MARCHF1: variants seen among roughly 807,000 people sequenced by gnomAD.
MARCHF1 encodes the protein E3 ubiquitin-protein ligase MARCHF1.
A neutral mutation model predicts 54.2 loss-of-function variants in MARCHF1; 40 were observed. The ratio of observed to expected loss-of-function variants is 0.74; its 90% confidence interval spans 0.57 to 0.96. The LOEUF is 0.96. Among genes scored for constraint, MARCHF1 ranks in the 40% least tolerant of loss-of-function variants. The pLI is 0.00. For synonymous variants in MARCHF1, 236 were observed against 236.3 expected (o/e 1.00, Z 0.01); for missense variants, 586 against 656.5 (o/e 0.89, Z 1.17).
At chr4:163,940,517 G>C (rs1011108355) in intron 3 of MARCHF1, among the ~76,000 whole-genome samples, 1 of 152,080 alleles carries the variant, frequency 6.6e-6, no homozygotes, top group African/African-American at 2.4e-5. Flanking sequence ...TTCTGTGTGT[G>C]TGTGTTTCAT....
At chr4:164,342,595 C>T (rs1729962777) in intron 1 of MARCHF1, among the ~76,000 whole-genome samples, 1 of 151,250 alleles carries the variant, frequency 6.6e-6, no homozygotes, top group Non-Finnish European at 1.5e-5. Flanking sequence ...CAATATAATC[C>T]ATCATTTCTA....
chr4:164,197,286 G>A (rs1448366773), intron 1 of MARCHF1: 1 of 1,611,532 alleles, frequency 6.2e-7, no homozygotes, highest in African/African-American at 1.3e-5. Flanking sequence ...AGTAACAGCT[G>A]TCGAGATATG....
intron 3 of MARCHF1, among the ~76,000 whole-genome samples, chr4:163,986,271 T>TTTTTTTTTTTTTTTTTTTTTTTTTTG (rs1752866369): frequency 1.6e-5 from 1 of 60,652 alleles, no homozygotes; most frequent in African/African-American, 5.0e-5. Context: ...TTTTTTTTTT[T>TTTTTTTTTTTTTTTTTTTTTTTTTTG]TTTTTTTTTG....
chr4:163,564,887 T>C (rs1279347068), intron 8 of MARCHF1, among the ~76,000 whole-genome samples: 1 of 151,740 alleles, frequency 6.6e-6, no homozygotes, highest in South Asian at 2.1e-4. Context: ...TTTTTTTTCA[T>C]GATGTCAGTT....
chr4:163,841,469 G>A (rs971897740), intron 4 of MARCHF1, among the ~76,000 whole-genome samples: 3 of 103,190 alleles, frequency 2.9e-5, no homozygotes, highest in South Asian at 6.5e-4. Context: ...AAAAGAATAC[G>A]AGCCAGTAGC....
At chr4:164,054,617 T>C (rs1410276878) in intron 2 of MARCHF1, among the ~76,000 whole-genome samples, 13 of 152,074 alleles carry the variant, frequency 8.5e-5, no homozygotes, top group Admixed American at 6.5e-5. Context: ...GATGAGTTCA[T>C]GTCCTTTGTA....
At chr4:163,952,564 C>T (rs1354985071) in intron 3 of MARCHF1, among the ~76,000 whole-genome samples, 1 of 152,118 alleles carries the variant, frequency 6.6e-6, no homozygotes, top group Non-Finnish European at 1.5e-5. Flanking sequence ...GCATGAGGTG[C>T]TTATCTGTAT....
chr4:163,615,340 AC>A (rs2110939885), intron 5 of MARCHF1, among the ~76,000 whole-genome samples: 1 of 152,270 alleles, frequency 6.6e-6, no homozygotes, highest in Non-Finnish European at 1.5e-5. Flanking sequence ...TAAAGACACC[AC>A]CAAAAAACTC....
At chr4:163,765,662 C>G (rs997498363) in intron 4 of MARCHF1, among the ~76,000 whole-genome samples, 1 of 151,638 alleles carries the variant, frequency 6.6e-6, no homozygotes, top group African/African-American at 2.4e-5. Flanking sequence ...TTTCAGTGAG[C>G]ACCTGTTAAA....
intron 4 of MARCHF1, among the ~76,000 whole-genome samples, chr4:163,848,495 C>T (rs1749550077): frequency 6.6e-6 from 1 of 152,118 alleles, no homozygotes; most frequent in Non-Finnish European, 1.5e-5. Flanking sequence ...GATTTTTCAA[C>T]TCTAATCCTC....
intron 1 of MARCHF1, among the ~76,000 whole-genome samples, chr4:164,281,360 T>C (rs776901604): frequency 2.9e-4 from 44 of 152,130 alleles, no homozygotes; most frequent in Non-Finnish European, 5.0e-4. Flanking sequence ...AAAGAGAATG[T>C]AGTATATTAG....
intron 4 of MARCHF1, among the ~76,000 whole-genome samples, chr4:163,787,959 A>G (rs966522269): frequency 1.3e-5 from 2 of 151,994 alleles, no homozygotes; most frequent in Admixed American, 1.3e-4. Context: ...ATTATGCTGA[A>G]CGAAATAAGC....
At chr4:163,533,307 T>C (rs1456755796) in intron 9 of MARCHF1, among the ~76,000 whole-genome samples, 1 of 151,858 alleles carries the variant, frequency 6.6e-6, no homozygotes, top group Non-Finnish European at 1.5e-5. Flanking sequence ...AAGGCAAAAC[T>C]GGAGATAGTA....
intron 3 of MARCHF1, among the ~76,000 whole-genome samples, chr4:163,862,130 TG>T (rs1221702352): frequency 6.6e-6 from 1 of 152,024 alleles, no homozygotes; most frequent in Non-Finnish European, 1.5e-5. Flanking sequence ...ACAGAAAATG[TG>T]GGTGACCTTG....
intron 1 of MARCHF1, among the ~76,000 whole-genome samples, chr4:164,346,381 T>C (rs1730097790): frequency 6.6e-6 from 1 of 152,080 alleles, no homozygotes; most frequent in Admixed American, 6.6e-5. Context: ...TTTGAGAAAC[T>C]GTGATTTTAT....
At chr4:163,722,015 G>A (rs965137237) in intron 4 of MARCHF1, among the ~76,000 whole-genome samples, 4 of 151,976 alleles carry the variant, frequency 2.6e-5, no homozygotes, top group African/African-American at 9.7e-5. Context: ...AGGTGTTTTT[G>A]TGTTTTTATC....
chr4:164,259,310 A>T (rs1323687710), intron 1 of MARCHF1, among the ~76,000 whole-genome samples: 2 of 152,076 alleles, frequency 1.3e-5, no homozygotes, highest in Non-Finnish European at 2.9e-5. Flanking sequence ...TAGGAGGCCG[A>T]GGCGGGTGGA....
intron 4 of MARCHF1, among the ~76,000 whole-genome samples, chr4:163,710,324 G>A (rs1745069813): frequency 6.6e-6 from 1 of 152,056 alleles, no homozygotes; most frequent in Admixed American, 6.6e-5. Flanking sequence ...TTCTGTTTTT[G>A]CCATTACATT....
chr4:163,893,246 C>A (rs902632612), intron 3 of MARCHF1, among the ~76,000 whole-genome samples: 1 of 152,082 alleles, frequency 6.6e-6, no homozygotes, highest in Non-Finnish European at 1.5e-5. Flanking sequence ...TCAAGCAATT[C>A]TCCCACCTCA....
Sources: gnomAD v4.1 joint callset for allele counts (sites outside exome capture counted in the v4.1 genomes callset) on GRCh38, gnomAD v4.1.1 for gene constraint, MANE v1.5 for transcripts, NCBI Gene and HGNC (gene_info 2026-07-23, HGNC 2026-07-21) for gene names.